A2ML1: variants seen among roughly 807,000 people sequenced by gnomAD.
The protein encoded by A2ML1 is alpha-2-macroglobulin-like protein 1.
Under a neutral mutation model 181.9 loss-of-function variants are expected in A2ML1, and 161 were observed. The observed-to-expected ratio is 0.89, with a 90% CI of 0.78 to 1.01. The LOEUF is 1.01. A2ML1 is among the 50% of genes least tolerant of loss of function. The pLI is 0.00. For missense variants in A2ML1, 1,670 were observed against 1,768.1 expected, an observed-to-expected ratio of 0.94 and a Z score of 1.00; for synonymous variants, 663 against 666.8, an observed-to-expected ratio of 0.99 and a Z score of 0.09.
chr12:8,855,091 C>T (rs1348558536), intron 22 of A2ML1, among the ~76,000 whole-genome samples: 2 of 152,062 alleles, frequency 1.3e-5, no homozygotes, highest in African/African-American at 4.8e-5. Flanking sequence ...GATGGGGTTT[C>T]ACCATATTGG....
chr12:8,853,920 T>G (rs1413003210), intron 20 of A2ML1, among the ~76,000 whole-genome samples: 2 of 152,166 alleles, frequency 1.3e-5, no homozygotes, highest in Non-Finnish European at 2.9e-5. Context: ...CCTTAGAGGT[T>G]ACCTACCACA....
intron 13 of A2ML1, among the ~76,000 whole-genome samples, chr12:8,845,775 G>A (rs955989907): frequency 4.0e-5 from 6 of 151,704 alleles, no homozygotes; most frequent in South Asian, 4.1e-4. Context: ...GCGTGAACCC[G>A]GGAGGCGGAG....
intron 12 of A2ML1, among the ~76,000 whole-genome samples, chr12:8,844,247 T>A (rs1181522830): frequency 6.8e-6 from 1 of 147,754 alleles, no homozygotes; most frequent in Non-Finnish European, 1.5e-5. Flanking sequence ...TGGGGAGGGA[T>A]GGGACTCAGG....
chr12:8,841,306 T>A (rs1215395244), intron 10 of A2ML1, 63 bp from the exon 11 acceptor site: 9 of 1,485,366 alleles, frequency 6.1e-6, no homozygotes, highest in Non-Finnish European at 8.2e-6. Context: ...AATATTTCAC[T>A]TTACCTCATA....
downstream of A2ML1, among the ~76,000 whole-genome samples, chr12:8,877,398 G>A (rs1335320845): frequency 3.9e-5 from 6 of 152,120 alleles, no homozygotes; most frequent in African/African-American, 1.4e-4. Flanking sequence ...AGAGTAAACA[G>A]ACAGCCTAAA....
chr12:8,856,159 C>T (rs780150607), intron 23 of A2ML1, among the ~76,000 whole-genome samples: 1 of 152,280 alleles, frequency 6.6e-6, no homozygotes, highest in East Asian at 1.9e-4. Flanking sequence ...AATATAAAGT[C>T]CCCAGCACAA....
downstream of A2ML1, among the ~76,000 whole-genome samples, chr12:8,881,282 T>A (rs1679416992): frequency 6.6e-6 from 1 of 152,062 alleles, no homozygotes; most frequent in African/African-American, 2.4e-5. Flanking sequence ...CAATGAGGAA[T>A]GGGGGCTTAT....
chr12:8,855,800 G>C (rs1278786237), intron 23 of A2ML1, among the ~76,000 whole-genome samples: 1 of 152,182 alleles, frequency 6.6e-6, no homozygotes, highest in Non-Finnish European at 1.5e-5. Context: ...AAAAATGGAA[G>C]AGAGTCAGGG....
chr12:8,848,731 G>A lies in A2ML1; in HGVS notation c.1845G>A (p.Met615Ile), dbSNP rs1256253601. Residue 615 changes from methionine to isoleucine, a missense_variant, in exon 16 of 36, where the codon ATG becomes ATA. Transcript: ENST00000299698. ...CCCTCTTGTCCCAGGTCTATGGGAT[G>A]TTTCCATTCTGGTATGGTCACTACC... ...RELSNRSVYGMFPFWYGHYPY... is the reference protein window; with the variant it reads ...RELSNRSVYGIFPFWYGHYPY... 1 of 1,604,782 alleles carries A rather than the reference G, an allele frequency of 6.2e-7. No homozygotes were observed. The highest frequency in any genetic ancestry group is 1.3e-5 in the African/African-American group (1 of 74,594).
intron 4 of A2ML1, among the ~76,000 whole-genome samples, chr12:8,833,181 C>T (rs1943172584): frequency 6.6e-6 from 1 of 152,078 alleles, no homozygotes; most frequent in Non-Finnish European, 1.5e-5. Context: ...CCATGTCGGT[C>T]AGGCTGGTCT....
chr12:8,825,673 A>G (rs1942905558), intron 3 of A2ML1, among the ~76,000 whole-genome samples: 1 of 152,146 alleles, frequency 6.6e-6, no homozygotes, highest in Non-Finnish European at 1.5e-5. Flanking sequence ...TGCCCAGACC[A>G]ATGTTCTGGA....
chr12:8,855,523 G>A lies in A2ML1; in HGVS notation c.2779G>A (p.Glu927Lys). 1 of 1,614,094 alleles carries A rather than the reference G, an allele frequency of 6.2e-7. No individual in the cohort carries two copies. The highest frequency in any genetic ancestry group is 1.1e-5 in the South Asian group (1 of 91,070). ...LLCPKGKVAS[E>K]SVSLELPVDI... ...GCATCTCACAGGAAAGGTGGCATCT[G>A]AATCTGTCTCCCTGGAGCTCCCAGT... Residue 927 changes from glutamate (E) to lysine (K), a missense_variant, in exon 23 of 36, where the codon GAA (glutamate) becomes AAA (lysine). Transcript: ENST00000299698.
chr12:8,836,948 A>G (rs932412709), intron 7 of A2ML1, among the ~76,000 whole-genome samples: 3 of 152,292 alleles, frequency 2.0e-5, no homozygotes, highest in African/African-American at 4.8e-5. Flanking sequence ...TAATTGTGGA[A>G]GTGGGTCTAC....
At chr12:8,822,812 A>T in intron 1 of A2ML1, 99 bp downstream of exon 1, 4 of 1,142,648 alleles carry the variant, frequency 3.5e-6, no homozygotes, top group Non-Finnish European at 5.2e-6. Context: ...ACTTTGGTTT[A>T]TCTTAATTTC....
At chr12:8,824,913 T>C (rs1001661798) in intron 3 of A2ML1, among the ~76,000 whole-genome samples, 11 of 152,192 alleles carry the variant, frequency 7.2e-5, no homozygotes, top group African/African-American at 2.7e-4. Flanking sequence ...TTGCAAAGGA[T>C]GGGGTCTCAT....
At chr12:8,826,334 T>C (rs117957175) in intron 3 of A2ML1, among the ~76,000 whole-genome samples, 3,102 of 152,334 alleles carry the variant, frequency 0.02, 45 homozygotes, top group Non-Finnish European at 0.031. Context: ...CTTTCACTTC[T>C]TTGGTAAAGT....
intron 3 of A2ML1, among the ~76,000 whole-genome samples, chr12:8,827,591 A>AT (rs1478683178): frequency 6.6e-6 from 1 of 151,700 alleles, no homozygotes; most frequent in Non-Finnish European, 1.5e-5. Context: ...TTTCTGGGAG[A>AT]TTGGTTGCTG....
At chr12:8,883,518 C>T (rs1404696873) in intron 7 of A2ML1, among the ~76,000 whole-genome samples, 1 of 152,118 alleles carries the variant, frequency 6.6e-6, no homozygotes, top group African/African-American at 2.4e-5. Context: ...ACTCTTGTTG[C>T]CCAGGCTGGA....
chr12:8,862,624 C>T (rs927324302), intron 28 of A2ML1, among the ~76,000 whole-genome samples: 1 of 152,242 alleles, frequency 6.6e-6, no homozygotes, highest in African/African-American at 2.4e-5. Flanking sequence ...GAAGTGCAGT[C>T]TCAGCCTTCA....
Sources: gnomAD v4.1 joint callset for allele counts (sites outside exome capture counted in the v4.1 genomes callset) on GRCh38, gnomAD v4.1.1 for gene constraint, MANE v1.5 for transcripts, NCBI Gene and HGNC (gene_info 2026-07-23, HGNC 2026-07-21) for gene names.